Variants in COG3 observed in about 807,000 individuals in gnomAD.
COG3 encodes the protein conserved oligomeric Golgi complex subunit 3.
Under a neutral mutation model 114.1 loss-of-function variants are expected in COG3, and 32 were observed. The observed-to-expected ratio is 0.28, with a 90% confidence interval of 0.21 to 0.38. The LOEUF is 0.38. Among genes scored for constraint, COG3 ranks in the 10% least tolerant of loss-of-function variants. COG3 has a pLI of 1.00. For missense variants in COG3, 813 were observed against 973.2 expected (o/e 0.84, Z 2.19); for synonymous variants, 352 against 365.7 (o/e 0.96, Z 0.43).
At chr13:45,466,897 A>T (rs545089963) in intron 1 of COG3, among the ~76,000 whole-genome samples, 1 of 152,292 alleles carries the variant, frequency 6.6e-6, no homozygotes, top group Admixed American at 6.5e-5. Flanking sequence ...CCCTACTCTG[A>T]GTTAGGTATT....
intron 13 of COG3, among the ~76,000 whole-genome samples, chr13:45,500,100 A>G (rs61953516): frequency 0.37 from 11,434 of 30,840 alleles, 1,679 homozygotes; most frequent in African/African-American, 0.51. Flanking sequence ...GTGTGTATAT[A>G]TATATATATA....
intron 16 of COG3, among the ~76,000 whole-genome samples, chr13:45,512,242 G>A (rs1042097349): frequency 4.6e-5 from 7 of 152,204 alleles, no homozygotes; most frequent in African/African-American, 1.2e-4. Flanking sequence ...GTTCTTACAT[G>A]GAGGAAATGA....
chr13:45,479,988 C>T, intron 3 of COG3, 137 bp from the exon 4 acceptor site: 1 of 614,124 alleles, frequency 1.6e-6, no homozygotes, highest in Non-Finnish European at 2.8e-6. Context: ...CATTTCTTAA[C>T]ATAATCAACT....
At chr13:45,526,227 A>C (rs1430878363) in intron 20 of COG3, among the ~76,000 whole-genome samples, 30 of 151,446 alleles carry the variant, frequency 2.0e-4, no homozygotes, top group Non-Finnish European at 1.5e-5. Flanking sequence ...CTGGGATTAC[A>C]GGCACCTGCC....
chr13:45,530,018 G>A, intron 21 of COG3, 100 bp downstream of exon 21: 2 of 1,349,614 alleles, frequency 1.5e-6, no homozygotes, highest in East Asian at 2.5e-5. Context: ...AGAAATGTTG[G>A]TATACTGTTC....
chr13:45,515,389 G>A (rs1401349936), intron 16 of COG3, among the ~76,000 whole-genome samples: 1 of 152,134 alleles, frequency 6.6e-6, no homozygotes, highest in East Asian at 1.9e-4. Flanking sequence ...AGTTTCATTA[G>A]CAATATTTTC....
chr13:45,518,331 C>A (rs1388257377), intron 17 of COG3, among the ~76,000 whole-genome samples: 2 of 152,158 alleles, frequency 1.3e-5, no homozygotes, highest in Non-Finnish European at 2.9e-5. Flanking sequence ...GTAAATACGT[C>A]CTTTTGGTGT....
intron 20 of COG3, among the ~76,000 whole-genome samples, 196 bp downstream of exon 20, chr13:45,525,247 G>C (rs1461882207): frequency 6.6e-6 from 1 of 151,960 alleles, no homozygotes; most frequent in Non-Finnish European, 1.5e-5. Flanking sequence ...AGCATTCCAA[G>C]GAAGGAAGAA....
At chr13:45,525,486 T>C (rs1261830002) in intron 20 of COG3, among the ~76,000 whole-genome samples, 1 of 152,042 alleles carries the variant, frequency 6.6e-6, no homozygotes, top group Non-Finnish European at 1.5e-5. Context: ...TGTTGACATT[T>C]TAGAGTATTG....
rs371659228 is a variant in COG3, at chr13:45,493,431, G to A, written c.1272G>A (p.Ser424=). ...ATGTTATTCACTTAGAGACTCTGTC[G>A]GAACTTTGTGGGATTCTTAAAAATG... ...IIHVIHLETL[S]ELCGILKNEV... is the part of the protein sequence containing the mutation. Residue 424 remains serine, a synonymous_variant, in exon 12 of 23, where the codon TCG becomes TCA. Transcript: ENST00000349995. The A allele has an allele frequency of 1.1e-5, 18 of 1,612,986 alleles. No homozygotes were observed. The African/African-American group carries it at 1.3e-4, about 12-fold the overall frequency.
intron 6 of COG3, among the ~76,000 whole-genome samples, chr13:45,482,761 C>T (rs1403416653): frequency 6.6e-6 from 1 of 152,190 alleles, no homozygotes; most frequent in Admixed American, 6.5e-5. Context: ...AGCTTTATCC[C>T]ATCTAACAGG....
chr13:45,514,201 C>A (rs1285132920), intron 16 of COG3, among the ~76,000 whole-genome samples: 1 of 127,066 alleles, frequency 7.9e-6, no homozygotes, highest in Non-Finnish European at 1.6e-5. Context: ...CACTCTGTCA[C>A]CCACGCTGGA....
At chr13:45,468,095 ATTTC>A (rs1185621194) in intron 1 of COG3, among the ~76,000 whole-genome samples, 1 of 152,198 alleles carries the variant, frequency 6.6e-6, no homozygotes, top group Admixed American at 6.5e-5. Context: ...TGAGGGGCCT[ATTTC>A]TTTCTGTTGA....
intron 16 of COG3, among the ~76,000 whole-genome samples, chr13:45,515,300 G>C (rs145485848): frequency 1.0e-3 from 158 of 152,246 alleles, no homozygotes; most frequent in Admixed American, 3.3e-3. Context: ...GACTGGGAAG[G>C]AATCTTCATT....
rs371455089 is a variant in COG3 at position 45,504,379 on chromosome 13, C to G, written c.1594+1030C>G. Among the ~76,000 whole-genome samples the G allele has an allele frequency of 1.7e-4, 26 of 152,272 alleles. No homozygotes were observed. In the South Asian group the frequency reaches 5.4e-3, roughly 32 times the overall value. On this transcript the variant is annotated intron_variant, in intron 14 of 22. Transcript: ENST00000349995. ...GAACCCATACCATGTCCTAGTATAC[C>G]TCTTGGTCCTAGTATACCTCTTTAT...
intron 19 of COG3, among the ~76,000 whole-genome samples, chr13:45,521,366 G>A (rs145933970): frequency 3.2e-4 from 49 of 152,272 alleles, no homozygotes; most frequent in Middle Eastern, 3.4e-3. Context: ...CTCATCCTAC[G>A]TGATCAGTCT....
intron 22 of COG3, chr13:45,534,459 G>A (rs2137939894): frequency 2.7e-6 from 1 of 370,978 alleles, no homozygotes; most frequent in East Asian, 4.4e-5. Flanking sequence ...AAAAATCTTG[G>A]TCTTTTTCTC....
intron 1 of COG3, chr13:45,465,434 C>T (rs1885077416): frequency 1.4e-6 from 1 of 699,926 alleles, no homozygotes; most frequent in South Asian, 2.2e-5. Context: ...GTGGGGGTGT[C>T]CTGCAGCTGG....
At chr13:45,487,890 T>A (rs1250775770) in intron 8 of COG3, among the ~76,000 whole-genome samples, 3 of 152,308 alleles carry the variant, frequency 2.0e-5, no homozygotes, top group Non-Finnish European at 4.4e-5. Context: ...TGGGTATTTA[T>A]CCAAAGGCAA....
Sources: gnomAD v4.1 joint callset for allele counts (sites outside exome capture counted in the v4.1 genomes callset) on GRCh38, gnomAD v4.1.1 for gene constraint, MANE v1.5 for transcripts, NCBI Gene and HGNC (gene_info 2026-07-23, HGNC 2026-07-21) for gene names.